Variants in MAP1B observed in about 807,000 individuals in gnomAD.
MAP1B encodes microtubule-associated protein 1B.
MAP1B carries 12 observed loss-of-function variants against 176.1 expected under a neutral mutation model. The ratio of observed to expected loss-of-function variants is 0.07; its 90% CI spans 0.04 to 0.11. MAP1B has a LOEUF of 0.11. Among genes scored for constraint, MAP1B ranks in the 10% least tolerant of loss-of-function variants. The pLI is 1.00. For missense variants in MAP1B, 2,523 were observed against 2,990.5 expected (o/e 0.84, Z 3.65); for synonymous variants, 1,044 against 1,135.0 (o/e 0.92, Z 1.61).
chr5:72,122,727 G>GA (rs1315299282), intron 2 of MAP1B, among the ~76,000 whole-genome samples: 1 of 151,502 alleles, frequency 6.6e-6, no homozygotes, highest in East Asian at 1.9e-4. Context: ...GGGCACTGTG[G>GA]AACCACTCAG....
Position 72,194,550 on chromosome 5 carries a change from T to C in MAP1B, c.1195T>C (p.Phe399Leu), listed in dbSNP as rs1370900629. 6.2e-7 allele frequency: 1 copy of C among 1,614,134 alleles called. No individual in the cohort carries two copies. The highest frequency in any genetic ancestry group is 2.2e-5 in the East Asian group (1 of 44,894). The change falls in exon 5 of 7, where the codon TTT becomes CTT. Residue 399 changes from phenylalanine (F) to leucine (L), a missense_variant. Coordinates refer to ENST00000296755, the MANE Select transcript of MAP1B (RefSeq NM_005909.5). The surrounding 1 kb of genome is among the most constrained non-coding windows in gnomAD (Gnocchi z 7.2). Reference sequence around the variant, plus strand: ...ATTGTCCATGAAACCAGAACCTCTGTTTAGAAGTGTAGGCAATACTATTGA... The same window carrying C: ...ATTGTCCATGAAACCAGAACCTCTGCTTAGAAGTGTAGGCAATACTATTGA... Reference protein sequence around the residue: ...NKLSMKPEPLFRSVGNTIDPV... With the variant: ...NKLSMKPEPLLRSVGNTIDPV...
intron 2 of MAP1B, among the ~76,000 whole-genome samples, chr5:72,117,749 C>T (rs1360367039): frequency 6.6e-6 from 1 of 152,208 alleles, no homozygotes; most frequent in Admixed American, 6.5e-5. Flanking sequence ...CTATTCTTGC[C>T]AATGCTAGAA....
intron 2 of MAP1B, among the ~76,000 whole-genome samples, chr5:72,163,227 C>CAAAAAAAAAAAAAAAA (rs10608907): frequency 7.7e-5 from 6 of 78,134 alleles, no homozygotes; most frequent in Admixed American, 1.6e-4. Context: ...GACTCCATCT[C>CAAAAAAAAAAAAAAAA]AAAAAAAAAA....
intron 2 of MAP1B, among the ~76,000 whole-genome samples, chr5:72,123,588 C>G (rs1745569684): frequency 1.3e-5 from 2 of 151,968 alleles, no homozygotes; most frequent in African/African-American, 2.4e-5. Context: ...AGGTTCACGC[C>G]ATTCTCCTGC....
At position 72,195,556 on chromosome 5, in the gene MAP1B, A is replaced by C; in HGVS notation, c.2201A>C (p.Lys734Thr). ...EEKEPKKEIK[K>T]LPKDAKKSST... ...AAGGAACCCAAAAAAGAAATTAAGA[A>C]GCTCCCTAAAGACGCAAAGAAATCA... The change falls in exon 5 of 7, where the codon AAG (lysine) becomes ACG (threonine). Residue 734 changes from lysine to threonine, a missense_variant. Physicochemically the swap from Lys to Thr is moderately conservative, Grantham distance 78. Transcript: ENST00000296755. The C allele has an allele frequency of 1.3e-6, 2 of 1,593,806 alleles. No individual in the cohort carries two copies. The highest frequency in any genetic ancestry group is 1.7e-6 in the Non-Finnish European group (2 of 1,175,238).
At chr5:72,149,068 A>G (rs987612567) in intron 2 of MAP1B, among the ~76,000 whole-genome samples, 1 of 152,190 alleles carries the variant, frequency 6.6e-6, no homozygotes, top group Non-Finnish European at 1.5e-5. Flanking sequence ...TGTCTTATTC[A>G]TTGCTGTATC....
intron 2 of MAP1B, among the ~76,000 whole-genome samples, chr5:72,163,916 C>CTTTTTTTTTTTTTTTTTTTTTTT (rs796802217): frequency 1.0e-5 from 1 of 97,102 alleles, no homozygotes; most frequent in Admixed American, 1.3e-4. Context: ...CTCTCTCTCT[C>CTTTTTTTTTTTTTTTTTTTTTTT]TTTTTTTTTT....
chr5:72,182,023 C>CTTTTTTTT (rs34251206), intron 2 of MAP1B, among the ~76,000 whole-genome samples: 1 of 94,762 alleles, frequency 1.1e-5, no homozygotes, highest in African/African-American at 4.8e-5. Context: ...CGCACCTGGC[C>CTTTTTTTT]TTTTTTTTTT....
Position 72,152,087 on chromosome 5 carries a change from C to T in MAP1B, c.287-31656C>T, listed in dbSNP as rs1276621878. ...TCTCTCCAGGTTTTCCACTGAATGT[C>T]CTTTTACCATGCCATGATCCAATGC... is the stretch of plus-strand genomic sequence containing the variant. On this transcript the variant is annotated intron_variant, in intron 2 of 6. Coordinates refer to ENST00000296755, the MANE Select transcript of MAP1B (RefSeq NM_005909.5). 2.0e-5 allele frequency among the ~76,000 whole-genome samples: 3 copies of T among 152,162 alleles called. No homozygotes were observed. In the South Asian group the frequency reaches 6.2e-4, roughly 32 times the overall value.
intron 1 of MAP1B, among the ~76,000 whole-genome samples, chr5:72,108,945 G>A (rs1745236362): frequency 6.6e-6 from 1 of 152,246 alleles, no homozygotes; most frequent in Non-Finnish European, 1.5e-5. Flanking sequence ...GTGCTGAAGC[G>A]TTTCTCCGGG....
At chr5:72,160,839 GA>G (rs1289266504) in intron 2 of MAP1B, among the ~76,000 whole-genome samples, 1 of 152,150 alleles carries the variant, frequency 6.6e-6, no homozygotes, top group Non-Finnish European at 1.5e-5. Context: ...AAGCTAGACT[GA>G]CCATGGAAAT....
chr5:72,143,485 G>C (rs1177747250), intron 2 of MAP1B, among the ~76,000 whole-genome samples: 3 of 152,180 alleles, frequency 2.0e-5, no homozygotes, highest in Non-Finnish European at 4.4e-5. Context: ...TTTGCCACCA[G>C]ACAGAATGAT....
chr5:72,199,102 C>A lies in MAP1B; in HGVS notation c.5747C>A (p.Pro1916Gln). ...YEKIERTTKS[P>Q]SDSGYSYETI... ...AAGATAGAGAGAACCACAAAATCTC[C>A]AAGTGACAGTGGCTACTCCTATGAG... Residue 1916 changes from proline (P) to glutamine (Q), a missense_variant, in exon 5 of 7, where the codon CCA becomes CAA. By Grantham distance (76) the Pro-to-Gln change is moderately conservative. Transcript: ENST00000296755. The surrounding 1 kb of genome is among the most constrained non-coding windows in gnomAD (Gnocchi z 4.2). 6.2e-7 allele frequency: 1 copy of A among 1,614,056 alleles called. No homozygotes were observed. Among genetic ancestry groups the A allele is most frequent in the Non-Finnish European group, 8.5e-7 (1 of 1,179,990 alleles).
intron 2 of MAP1B, among the ~76,000 whole-genome samples, chr5:72,181,172 G>T (rs1746757903): frequency 6.6e-6 from 1 of 152,182 alleles, no homozygotes; most frequent in African/African-American, 2.4e-5. Flanking sequence ...TTCTGTCTGT[G>T]ATGTGGGGTT....
chr5:72,176,027 A>G (rs573286991), intron 2 of MAP1B, among the ~76,000 whole-genome samples: 1 of 152,384 alleles, frequency 6.6e-6, no homozygotes, highest in South Asian at 2.1e-4. Context: ...ACATTTTCAG[A>G]GATGAAACAG....
Position 72,194,479 on chromosome 5 carries a change from A to C in MAP1B, c.1124A>C (p.Lys375Thr), listed in dbSNP as rs1291703575. Residue 375 changes from lysine to threonine, a missense_variant, in exon 5 of 7, where the codon AAG becomes ACG. Coordinates refer to ENST00000296755, the MANE Select transcript of MAP1B (RefSeq NM_005909.5). The surrounding 1 kb of genome is among the most constrained non-coding windows in gnomAD (Gnocchi z 7.2). ...LKNPEPNIKM[K>T]RSIEEACFTL... ...AATCCAGAGCCAAACATCAAGATGA[A>C]GAGAAGCATAGAAGAAGCCTGCTTC... 5.0e-6 allele frequency: 8 copies of C among 1,613,962 alleles called. No individual in the cohort carries two copies.
At chr5:72,155,994 T>A (rs1484151228) in intron 2 of MAP1B, among the ~76,000 whole-genome samples, 1 of 152,198 alleles carries the variant, frequency 6.6e-6, no homozygotes, top group Admixed American at 6.5e-5. Context: ...CTTGAACTCC[T>A]GACCTCAGGT....
intron 2 of MAP1B, among the ~76,000 whole-genome samples, chr5:72,135,987 A>G (rs779426270): frequency 1.4e-4 from 22 of 152,216 alleles, no homozygotes; most frequent in Non-Finnish European, 1.5e-5. Context: ...CTTCAAGGCC[A>G]GTGCATTTGG....
chr5:72,155,027 C>T (rs745804586), intron 2 of MAP1B, among the ~76,000 whole-genome samples: 12 of 152,304 alleles, frequency 7.9e-5, no homozygotes, highest in Admixed American at 3.9e-4. Flanking sequence ...GCATATCCTG[C>T]GAAGGGAAGC....
Sources: allele counts gnomAD v4.1 joint callset (sites outside exome capture counted in the v4.1 genomes callset), GRCh38; gene constraint gnomAD v4.1.1; non-coding constraint Gnocchi (gnomAD v3.1); transcripts MANE v1.5; gene names NCBI Gene and HGNC (gene_info 2026-07-23, HGNC 2026-07-21).